PRKCE: variants seen among roughly 807,000 people sequenced by gnomAD.
The protein encoded by PRKCE is protein kinase C epsilon, also known as protein kinase C epsilon type.
PRKCE carries 16 observed loss-of-function variants against 85.4 expected under a neutral mutation model. That is an observed-to-expected ratio of 0.19 (90% CI 0.13 to 0.28). The LOEUF (loss-of-function observed/expected upper bound fraction) is 0.28. PRKCE is among the 10% of genes least tolerant of loss of function. The pLI is 1.00. For missense variants in PRKCE, 573 were observed against 975.2 expected, an observed-to-expected ratio of 0.59 and a Z score of 5.49; for synonymous variants, 388 against 371.5, an observed-to-expected ratio of 1.04 and a Z score of -0.51.
chr2:46,154,365 C>T (rs1046085757), intron 13 of PRKCE, among the ~76,000 whole-genome samples: 2 of 152,144 alleles, frequency 1.3e-5, no homozygotes, highest in Non-Finnish European at 2.9e-5. Context: ...GGCTGGGCCT[C>T]TCACTCCGAG....
chr2:45,784,775 C>G (rs765606742), intron 1 of PRKCE, among the ~76,000 whole-genome samples: 15 of 152,012 alleles, frequency 9.9e-5, no homozygotes, highest in Non-Finnish European at 1.6e-4. Flanking sequence ...AAAAAATGAA[C>G]CTATGGGGAT....
At position 45,970,597 on chromosome 2, in the gene PRKCE, A is replaced by G. The variant is rs541089849; in HGVS notation, c.413-5832A>G. The stretch of plus-strand genomic sequence containing the variant: ...AGACTAAGATTAAGAAGATATGGCA[A>G]CCCCATGAGCTCTGGGTAGCTCCTG... On this transcript the variant is annotated intron_variant, in intron 2 of 14. Transcript: ENST00000306156. 3.3e-5 allele frequency among the ~76,000 whole-genome samples: 5 copies of G among 152,232 alleles called. No individual in the cohort carries two copies. The East Asian group carries it at 9.6e-4, about 29-fold the overall frequency.
chr2:45,797,809 G>C (rs1183939968), intron 1 of PRKCE, among the ~76,000 whole-genome samples: 1 of 152,230 alleles, frequency 6.6e-6, no homozygotes, highest in Non-Finnish European at 1.5e-5. Context: ...TTTCAGCATA[G>C]GTACTGCTAT....
At chr2:46,169,403 A>T (rs904209146) in intron 14 of PRKCE, among the ~76,000 whole-genome samples, 2 of 152,200 alleles carry the variant, frequency 1.3e-5, no homozygotes, top group Non-Finnish European at 2.9e-5. Flanking sequence ...GCCACATAGC[A>T]GCAGCCCTTC....
intron 1 of PRKCE, among the ~76,000 whole-genome samples, chr2:45,754,606 T>C (rs1460846009): frequency 6.6e-6 from 1 of 152,206 alleles, no homozygotes; most frequent in Admixed American, 6.5e-5. Context: ...AGAAGTATGA[T>C]AAATAAATAT....
intron 2 of PRKCE, among the ~76,000 whole-genome samples, chr2:45,868,214 C>CTTTATTTTTTTTTTTT (rs1693768689): frequency 1.3e-5 from 1 of 79,856 alleles, no homozygotes; most frequent in Non-Finnish European, 2.3e-5. Flanking sequence ...TGTAACGGAG[C>CTTTATTTTTTTTTTTT]TTTTTTTTTT....
chr2:45,921,266 G>A (rs1011084434), intron 2 of PRKCE, among the ~76,000 whole-genome samples: 13 of 152,238 alleles, frequency 8.5e-5, no homozygotes, highest in African/African-American at 2.4e-4. Context: ...AGAAAAAGGC[G>A]TGTGGAGTTG....
At chr2:45,819,384 G>C (rs567885937) in intron 1 of PRKCE, among the ~76,000 whole-genome samples, 2 of 152,260 alleles carry the variant, frequency 1.3e-5, no homozygotes, top group South Asian at 4.1e-4. Context: ...TCAGAATGCT[G>C]CCTTTCCTCT....
chr2:46,016,467 A>G (rs775287187), intron 10 of PRKCE, among the ~76,000 whole-genome samples: 1 of 152,162 alleles, frequency 6.6e-6, no homozygotes, highest in African/African-American at 2.4e-5. Context: ...ATTCTGTGTG[A>G]TAAAGGAAAA....
intron 10 of PRKCE, among the ~76,000 whole-genome samples, chr2:46,084,630 G>A (rs914768189): frequency 2.6e-5 from 4 of 151,198 alleles, no homozygotes; most frequent in Non-Finnish European, 5.9e-5. Context: ...TCTGAGGCAG[G>A]AGAATCGCTT....
At position 45,892,031 on chromosome 2, in the gene PRKCE, C is replaced by G. The variant is rs542147252; in HGVS notation, c.412+48968C>G. 2.6e-5 allele frequency among the ~76,000 whole-genome samples: 4 copies of G among 152,360 alleles called. No homozygotes were observed. In the East Asian group the frequency reaches 5.8e-4, roughly 22 times the overall value. On this transcript the variant is annotated intron_variant, in intron 2 of 14. Transcript: ENST00000306156. ...CAAAGGCCACCTGCTTACCTTGGCC[C>G]TGCTCTCCACAGTTGACACCTGGCT...
Position 46,145,937 on chromosome 2 carries a change from A to G in PRKCE, c.1731+706A>G, listed in dbSNP as rs1256391295. On this transcript the variant is annotated intron_variant, in intron 12 of 14. Transcript: ENST00000306156. This position sits in a 1 kb window ranked among gnomAD's most constrained non-coding sequence, Gnocchi z 4.6. The stretch of plus-strand genomic sequence containing the variant: ...ATTGATCATGGGAGCACTTCACTTT[A>G]TCAGCTACAATTTGCTAACAGTAAA... Among the ~76,000 whole-genome samples the G allele has an allele frequency of 1.3e-5, 2 of 152,224 alleles. No homozygotes were observed. The highest frequency in any genetic ancestry group is 4.8e-5 in the African/African-American group (2 of 41,460).
chr2:46,038,373 C>T (rs1005279227), intron 10 of PRKCE, among the ~76,000 whole-genome samples: 3 of 152,034 alleles, frequency 2.0e-5, no homozygotes, highest in East Asian at 1.9e-4. Context: ...AAGTTTTCCC[C>T]GATCTTATCA....
At chr2:46,011,653 C>A (rs922075366) in intron 10 of PRKCE, among the ~76,000 whole-genome samples, 1 of 152,194 alleles carries the variant, frequency 6.6e-6, no homozygotes, top group African/African-American at 2.4e-5. Flanking sequence ...CTCTCTTAGT[C>A]TCAACACACG....
In PRKCE at chr2:46,184,906, C is replaced by T. The variant is rs571539218; in HGVS notation, c.*25C>T. The T allele has an allele frequency of 1.5e-5, 24 of 1,599,144 alleles. No homozygotes were observed. The highest frequency in any genetic ancestry group is 6.7e-5 in the East Asian group (3 of 44,874). On this transcript the variant is annotated 3_prime_UTR_variant, in exon 15 of 15. Coordinates refer to ENST00000306156, the MANE Select transcript of PRKCE (RefSeq NM_005400.3). This position sits in a 1 kb window ranked among gnomAD's most constrained non-coding sequence, Gnocchi z 5.0. ...AGAGCCCACTGCAGTTGGACTTTGC[C>T]GATGCTGCAAGAAGGGGTGCAGAGA... is the stretch of plus-strand genomic sequence containing the variant.
At chr2:45,784,397 C>T (rs1175573170) in intron 1 of PRKCE, among the ~76,000 whole-genome samples, 1 of 152,216 alleles carries the variant, frequency 6.6e-6, no homozygotes, top group Non-Finnish European at 1.5e-5. Context: ...TAGGAGAAGA[C>T]TTACATTTGG....
rs140219454 is a variant in PRKCE, at chr2:46,187,569, G to GA, written c.*2698dup. 8,876 of 141,988 alleles carry GA rather than the reference G, an allele frequency of 0.063. 617 individuals carry two copies. The highest frequency in any genetic ancestry group is 0.25 in the East Asian group (1,251 of 4,974). 8.8% of individuals were successfully genotyped at this position (141,988 alleles called of 1,614,324 possible). A position where few individuals can be genotyped will look rare whatever the true frequency, so the allele number is the denominator to read the frequency against. Reference sequence around the variant, plus strand: ...TTTCTCTTTCTCTCTCTCTCTCAAAGAAAAAAAAAATGGGAGTGCAAAAAA... The same window carrying GA: ...TTTCTCTTTCTCTCTCTCTCTCAAAGAAAAAAAAAAATGGGAGTGCAAAAAA... On this transcript the variant is annotated 3_prime_UTR_variant, in exon 15 of 15. Transcript: ENST00000306156.
intron 2 of PRKCE, among the ~76,000 whole-genome samples, chr2:45,918,736 C>A (rs918939564): frequency 6.6e-6 from 1 of 152,078 alleles, no homozygotes. Flanking sequence ...TGCAGTGGGC[C>A]TGGGGCTGAG....
intron 1 of PRKCE, among the ~76,000 whole-genome samples, chr2:45,788,254 A>T (rs1470128605): frequency 6.6e-6 from 1 of 152,146 alleles, no homozygotes; most frequent in African/African-American, 2.4e-5. Context: ...ACTATTTTGG[A>T]TGGAAGTCAT....
Sources: gnomAD v4.1 joint callset for allele counts (sites outside exome capture counted in the v4.1 genomes callset) on GRCh38, gnomAD v4.1.1 for gene constraint, Gnocchi (gnomAD v3.1) non-coding constraint, MANE v1.5 for transcripts, NCBI Gene and HGNC (gene_info 2026-07-23, HGNC 2026-07-21) for gene names.